Variants in SYN3 observed in about 807,000 individuals in gnomAD.
SYN3 encodes the protein synapsin III.
A neutral mutation model predicts 65.8 loss-of-function variants in SYN3; 35 were observed. The ratio of observed to expected loss-of-function variants is 0.53; its 90% CI spans 0.41 to 0.70. The LOEUF (loss-of-function observed/expected upper bound fraction) is 0.70. SYN3 is among the 30% of genes least tolerant of loss of function. The pLI is 0.00. For missense variants in SYN3, 680 were observed against 749.0 expected (o/e 0.91, Z 1.08); for synonymous variants, 270 against 292.9 (o/e 0.92, Z 0.80).
chr22:32,579,917 A>G (rs185829145), intron 7 of SYN3, among the ~76,000 whole-genome samples: 1 of 152,180 alleles, frequency 6.6e-6, no homozygotes, highest in African/African-American at 2.4e-5. Flanking sequence ...TATAAACCAC[A>G]TGTTTATAGA....
chr22:32,904,362 G>T (rs80693), intron 4 of SYN3, among the ~76,000 whole-genome samples: 139,054 of 152,236 alleles, frequency 0.91, 63,568 homozygotes, highest in African/African-American at 0.95. Flanking sequence ...CAGATGCAGA[G>T]AGTCTGCAGA....
At chr22:32,888,489 C>G (rs765842799) in intron 4 of SYN3, among the ~76,000 whole-genome samples, 5 of 152,222 alleles carry the variant, frequency 3.3e-5, no homozygotes, top group Non-Finnish European at 5.9e-5. Flanking sequence ...AGTTACTCTA[C>G]AGCCTCGCTG....
chr22:32,884,906 A>G (rs866736477), intron 4 of SYN3, among the ~76,000 whole-genome samples: 1 of 152,174 alleles, frequency 6.6e-6, no homozygotes, highest in South Asian at 2.1e-4. Flanking sequence ...ATCATTTCAT[A>G]TCAGTACAAA....
In SYN3 at chr22:32,509,620, G is replaced by A. The variant is rs8142460; in HGVS notation, c.*4072C>T. ...GTCTCACTCTGTTGCCCAGGCTGGA[G>A]TGCAGTGGTGCGATCTCGGCTCACT... On this transcript the variant is annotated 3_prime_UTR_variant, in exon 14 of 14. Coordinates refer to ENST00000358763, the MANE Select transcript of SYN3 (RefSeq NM_003490.4). Among the ~76,000 whole-genome samples, 3 of 151,800 alleles carry A rather than the reference G, an allele frequency of 2.0e-5. No individual in the cohort carries two copies. Among genetic ancestry groups the A allele is most frequent in the Non-Finnish European group, 4.4e-5 (3 of 67,958 alleles).
chr22:32,892,853 T>C (rs976824442), intron 4 of SYN3, among the ~76,000 whole-genome samples: 4 of 152,118 alleles, frequency 2.6e-5, no homozygotes, highest in African/African-American at 9.7e-5. Context: ...TACCTATTTC[T>C]GGGGTAGGCT....
intron 6 of SYN3, among the ~76,000 whole-genome samples, chr22:32,850,797 C>A (rs1022598251): frequency 6.6e-5 from 10 of 152,258 alleles, no homozygotes; most frequent in African/African-American, 2.4e-4. Flanking sequence ...GAGGGTGAGA[C>A]CCCACAGGCC....
At chr22:32,791,807 T>G (rs916004322) in intron 6 of SYN3, among the ~76,000 whole-genome samples, 4 of 152,048 alleles carry the variant, frequency 2.6e-5, no homozygotes, top group African/African-American at 9.7e-5. Context: ...CAAATTAATA[T>G]ATGCAAACTG....
chr22:32,931,604 G>T, intron 3 of SYN3, 123 bp from the exon 4 acceptor site: 1 of 651,290 alleles, frequency 1.5e-6, no homozygotes. Flanking sequence ...AACTTAGGAA[G>T]TTGCCGATAT....
chr22:33,020,119 C>T (rs1404300039), intron 1 of SYN3, among the ~76,000 whole-genome samples: 1 of 152,152 alleles, frequency 6.6e-6, no homozygotes, highest in Non-Finnish European at 1.5e-5. Flanking sequence ...AGAGGCCCCA[C>T]AGTCACATAG....
chr22:32,882,037 G>C (rs186026088), intron 4 of SYN3, among the ~76,000 whole-genome samples: 7 of 144,536 alleles, frequency 4.8e-5, no homozygotes, highest in African/African-American at 1.8e-4. Context: ...CCTGGCGACA[G>C]AGCGAGACTC....
intron 6 of SYN3, among the ~76,000 whole-genome samples, chr22:32,798,777 C>T (rs1291934574): frequency 4.7e-5 from 7 of 150,440 alleles, no homozygotes; most frequent in African/African-American, 9.8e-5. Context: ...CTGCAAGCTC[C>T]GCCTCCCAGG....
Position 32,602,623 on chromosome 22 carries a change from A to T in SYN3, c.712-5887T>A, listed in dbSNP as rs545050085. ...ATTACAGGCACGAGCCACCATGCCC[A>T]GCTAATTTTTGTATTTTTAGTAGAG... On this transcript the variant is annotated intron_variant, in intron 6 of 13. Coordinates refer to ENST00000358763, the MANE Select transcript of SYN3 (RefSeq NM_003490.4). Among the ~76,000 whole-genome samples, 3 of 151,976 alleles carry T rather than the reference A, an allele frequency of 2.0e-5. No homozygotes were observed. In the South Asian group the frequency reaches 6.3e-4, roughly 32 times the overall value.
At chr22:32,618,086 G>A (rs1167408164) in intron 6 of SYN3, among the ~76,000 whole-genome samples, 3 of 152,216 alleles carry the variant, frequency 2.0e-5, no homozygotes, top group Admixed American at 6.5e-5. Flanking sequence ...CTGGCATGAC[G>A]CCTGGTAATA....
intron 6 of SYN3, among the ~76,000 whole-genome samples, chr22:32,605,868 T>C (rs1341387143): frequency 6.6e-6 from 1 of 152,200 alleles, no homozygotes. Context: ...CACTTCTGGC[T>C]CCCACATTTA....
intron 6 of SYN3, among the ~76,000 whole-genome samples, chr22:32,814,351 G>GAAAGAAAGAC (rs1555970165): frequency 1.4e-3 from 20 of 14,574 alleles, no homozygotes; most frequent in African/African-American, 2.9e-3. Context: ...GAAAGAAAGA[G>GAAAGAAAGAC]AGAAAGAAAG....
intron 1 of SYN3, among the ~76,000 whole-genome samples, chr22:33,032,633 A>C (rs761296454): frequency 3.3e-5 from 5 of 152,196 alleles, no homozygotes; most frequent in African/African-American, 4.8e-5. Flanking sequence ...TACAAACCAT[A>C]AAATCCTGTT....
intron 7 of SYN3, among the ~76,000 whole-genome samples, chr22:32,590,537 A>G (rs990419752): frequency 2.6e-5 from 4 of 152,248 alleles, no homozygotes; most frequent in African/African-American, 7.2e-5. Flanking sequence ...TAGGTCAGGT[A>G]TACCTAAAAT....
At chr22:32,633,611 G>A (rs933548387) in intron 6 of SYN3, among the ~76,000 whole-genome samples, 3 of 152,064 alleles carry the variant, frequency 2.0e-5, no homozygotes, top group Admixed American at 6.6e-5. Flanking sequence ...AGGGAGCAAG[G>A]AAAGGAAAAA....
intron 4 of SYN3, among the ~76,000 whole-genome samples, chr22:32,928,845 T>G (rs1052077901): frequency 3.3e-5 from 5 of 152,232 alleles, no homozygotes; most frequent in African/African-American, 1.2e-4. Flanking sequence ...TCCGATCTTT[T>G]TCTCTCTGTG....
Sources: gnomAD v4.1 joint callset for allele counts (sites outside exome capture counted in the v4.1 genomes callset) on GRCh38, gnomAD v4.1.1 for gene constraint, MANE v1.5 for transcripts, NCBI Gene and HGNC (gene_info 2026-07-23, HGNC 2026-07-21) for gene names.